The following ZFHX3 variants were observed in gnomAD, a reference collection of about 807,000 sequenced individuals.
ZFHX3 encodes zinc finger homeobox 3.
Under a neutral mutation model 279.1 loss-of-function variants are expected in ZFHX3, and 42 were observed. That is an observed-to-expected ratio of 0.15 (90% CI 0.12 to 0.19). The LOEUF (loss-of-function observed/expected upper bound fraction) is 0.19. ZFHX3 is among the 10% of genes least tolerant of loss of function. The pLI, the probability that ZFHX3 is intolerant of heterozygous loss-of-function variation, is 1.00. For missense variants in ZFHX3, 4,981 were observed against 4,754.0 expected, an observed-to-expected ratio of 1.05 and a Z score of -1.40; for synonymous variants, 2,293 against 1,957.8, an observed-to-expected ratio of 1.17 and a Z score of -4.52.
intron 1 of ZFHX3, among the ~76,000 whole-genome samples, chr16:73,843,963 C>T (rs186494329): frequency 5.3e-5 from 8 of 152,240 alleles, no homozygotes; most frequent in Non-Finnish European, 8.8e-5. Flanking sequence ...CTTTTTTCAA[C>T]GATTTAAAAA....
At chr16:73,087,299 C>T (rs930219562) in intron 8 of ZFHX3, among the ~76,000 whole-genome samples, 13 of 152,094 alleles carry the variant, frequency 8.5e-5, no homozygotes, top group Admixed American at 8.5e-4. Context: ...TGAGGTTTAA[C>T]TGGGGCCTCT....
At chr16:73,342,491 G>T (rs2016051132) in intron 3 of ZFHX3, among the ~76,000 whole-genome samples, 1 of 152,220 alleles carries the variant, frequency 6.6e-6, no homozygotes, top group Non-Finnish European at 1.5e-5. Context: ...TATTCGGCTG[G>T]AGAAGAATGA....
chr16:73,624,799 C>G (rs538634181), intron 2 of ZFHX3, among the ~76,000 whole-genome samples: 1 of 152,322 alleles, frequency 6.6e-6, no homozygotes, highest in African/African-American at 2.4e-5. Flanking sequence ...TGTGCCTCCG[C>G]TTTCCCTGAT....
chr16:73,470,528 G>GTAA (rs2018648248), intron 2 of ZFHX3, among the ~76,000 whole-genome samples: 1 of 152,102 alleles, frequency 6.6e-6, no homozygotes, highest in Non-Finnish European at 1.5e-5. Context: ...ATTACCAATA[G>GTAA]TAATAATGTC....
intron 3 of ZFHX3, among the ~76,000 whole-genome samples, chr16:73,322,845 A>G (rs1395998934): frequency 6.6e-6 from 1 of 152,248 alleles, no homozygotes; most frequent in Admixed American, 6.5e-5. Context: ...ATTTAGTTGG[A>G]AAATAAAATG....
intron 5 of ZFHX3, among the ~76,000 whole-genome samples, chr16:73,157,147 T>C (rs76590173): frequency 0.01 from 1,583 of 152,268 alleles, 21 homozygotes; most frequent in African/African-American, 0.036. Context: ...GGACAAGTCA[T>C]GAATGTGGTC....
At chr16:72,867,323 G>A (rs960740592) in intron 4 of ZFHX3, among the ~76,000 whole-genome samples, 5 of 152,220 alleles carry the variant, frequency 3.3e-5, no homozygotes, top group African/African-American at 1.2e-4. Context: ...AGCATCACTC[G>A]CAGAGCAGAA....
At chr16:73,120,920 C>T (rs538856446) in intron 7 of ZFHX3, among the ~76,000 whole-genome samples, 91 of 152,082 alleles carry the variant, frequency 6.0e-4, no homozygotes, top group African/African-American at 1.8e-3. Context: ...TCCCAGAGTG[C>T]TGGGATTACA....
intron 2 of ZFHX3, among the ~76,000 whole-genome samples, chr16:73,507,459 A>G (rs2019346568): frequency 6.6e-6 from 1 of 150,506 alleles, no homozygotes; most frequent in African/African-American, 2.4e-5. Context: ...TCTGTACCAG[A>G]AAATGCGTGA....
intron 1 of ZFHX3, among the ~76,000 whole-genome samples, chr16:73,854,727 CAAAAAAAAAA>C (rs60003447): frequency 1.7e-5 from 1 of 59,518 alleles, no homozygotes; most frequent in African/African-American, 6.6e-5. Flanking sequence ...CCACCTTCCA[CAAAAAAAAAA>C]AAAAAAAAAA....
intron 1 of ZFHX3, among the ~76,000 whole-genome samples, chr16:73,865,857 C>G (rs1380195301): frequency 6.6e-6 from 1 of 151,654 alleles, no homozygotes; most frequent in Non-Finnish European, 1.5e-5. Context: ...TGGTGGCAGG[C>G]ACCTGTAGTC....
At chr16:73,630,809 A>G (rs1294094860) in intron 2 of ZFHX3, among the ~76,000 whole-genome samples, 2 of 152,220 alleles carry the variant, frequency 1.3e-5, no homozygotes, top group Non-Finnish European at 2.9e-5. Flanking sequence ...TTCAGGAGAA[A>G]TGACAATCTT....
intron 8 of ZFHX3, among the ~76,000 whole-genome samples, chr16:73,071,892 T>C (rs890844905): frequency 6.6e-5 from 10 of 152,222 alleles, no homozygotes; most frequent in African/African-American, 2.4e-4. Flanking sequence ...AGGGAACAGC[T>C]GTCTCAGGCC....
At chr16:73,017,777 G>C (rs1363612282) in intron 1 of ZFHX3, among the ~76,000 whole-genome samples, 1 of 152,016 alleles carries the variant, frequency 6.6e-6, no homozygotes, top group Non-Finnish European at 1.5e-5. Flanking sequence ...TGCTCTCTCT[G>C]GACTAGGGCT....
chr16:73,880,520 G>C (rs1170813506), intron 1 of ZFHX3, among the ~76,000 whole-genome samples: 1 of 152,108 alleles, frequency 6.6e-6, no homozygotes, highest in Non-Finnish European at 1.5e-5. Context: ...ATAAAAGTAA[G>C]AAAAGAAGTT....
At chr16:73,824,571 T>G (rs1467487308) in intron 1 of ZFHX3, among the ~76,000 whole-genome samples, 1 of 105,564 alleles carries the variant, frequency 9.5e-6, no homozygotes, top group African/African-American at 3.7e-5. Flanking sequence ...CCCACCACAG[T>G]CCCCAGAGTG....
chr16:73,440,682 T>A (rs1305852116), intron 3 of ZFHX3, among the ~76,000 whole-genome samples: 1 of 152,204 alleles, frequency 6.6e-6, no homozygotes, highest in Non-Finnish European at 1.5e-5. Context: ...CCAGCCACTA[T>A]TTTGGAAGAA....
At chr16:73,747,574 TATGG>T (rs2053715661) in intron 1 of ZFHX3, among the ~76,000 whole-genome samples, 1 of 152,178 alleles carries the variant, frequency 6.6e-6, no homozygotes, top group African/African-American at 2.4e-5. Flanking sequence ...TAACCAGTCC[TATGG>T]ATTTAACAAC....
At chr16:73,689,688 T>C (rs570909491) in intron 1 of ZFHX3, among the ~76,000 whole-genome samples, 1 of 152,326 alleles carries the variant, frequency 6.6e-6, no homozygotes, top group East Asian at 1.9e-4. Flanking sequence ...ACAAGTCAGA[T>C]GGAATAAATG....
Sources: allele counts gnomAD v4.1 joint callset (sites outside exome capture counted in the v4.1 genomes callset), GRCh38; gene constraint gnomAD v4.1.1; transcripts MANE v1.5; gene names NCBI Gene and HGNC (gene_info 2026-07-23, HGNC 2026-07-21).